Variants in POM121 observed in about 807,000 individuals in gnomAD.
The protein encoded by POM121 is POM121 transmembrane nucleoporin.
In POM121, 32 loss-of-function variants were observed where a neutral mutation model predicts 81.3. The ratio of observed to expected loss-of-function variants is 0.39; its 90% confidence interval spans 0.30 to 0.53. The LOEUF is 0.53. POM121 is among the 20% of genes least tolerant of loss of function. The pLI, the probability that POM121 is intolerant of heterozygous loss-of-function variation, is 0.66. For synonymous variants in POM121, 514 were observed against 694.2 expected, an observed-to-expected ratio of 0.74 and a Z score of 4.08; for missense variants, 1,138 against 1,614.6, an observed-to-expected ratio of 0.70 and a Z score of 5.06.
Position 72,926,460 on chromosome 7 carries a change from A to G in POM121, c.843A>G (p.Arg281=), listed in dbSNP as rs1554497521. 2 of 1,613,910 alleles carry G rather than the reference A, an allele frequency of 1.2e-6. No individual in the cohort carries two copies. The highest frequency in any genetic ancestry group is 2.2e-5 in the South Asian group (2 of 91,076). ...VTVRIAPPDR[R]FSRSAIPEQI... ...TGAGGATCGCCCCTCCTGACAGAAGATTTTCGCGTTCTGCGATGTGAGTAT... is the reference window on the plus strand; with the variant it reads ...TGAGGATCGCCCCTCCTGACAGAAGGTTTTCGCGTTCTGCGATGTGAGTAT... The change falls in exon 2 of 13, where the codon AGA becomes AGG. Residue 281 remains arginine, a synonymous_variant. Coordinates refer to ENST00000434423, the MANE Select transcript of POM121 (RefSeq NM_001387691.1).
intron 8 of POM121, 31 bp downstream of exon 8, chr7:72,939,999 CCCGGCTTAG>C (rs1563166877): frequency 6.3e-7 from 1 of 1,598,484 alleles, no homozygotes; most frequent in African/African-American, 1.3e-5. Context: ...TCCTGCCCTC[CCCGGCTTAG>C]CTCTCCTAAG....
At position 72,939,340 on chromosome 7, in the gene POM121, G is replaced by A; in HGVS notation, c.1372G>A (p.Glu458Lys). The A allele has an allele frequency of 2.5e-6, 4 of 1,613,882 alleles. No homozygotes were observed. The highest frequency in any genetic ancestry group is 3.4e-6 in the Non-Finnish European group (4 of 1,179,826). Residue 458 changes from glutamate to lysine, a missense_variant, in exon 7 of 13, where the codon GAG (glutamate) becomes AAG (lysine). By Grantham distance (56) the Glu-to-Lys change is moderately conservative. Transcript: ENST00000434423. ...TTGTTCCTTTTTTCCTGACAGAGAA[G>A]AGGAGCTGTGTCATCATTCCAGTTC... Reference protein sequence around the residue: ...PERPAKKIREEELCHHSSSST... With the variant: ...PERPAKKIREKELCHHSSSST...
chr7:72,925,852 C>G (rs1795389279), intron 1 of POM121, 87 bp downstream of exon 1: 2 of 1,230,070 alleles, frequency 1.6e-6, no homozygotes, highest in African/African-American at 3.2e-5. Context: ...TTTGCTTTTT[C>G]ATCAAGTCCC....
Position 72,948,218 on chromosome 7 carries a change from A to G in POM121, c.*1984A>G. On this transcript the variant is annotated 3_prime_UTR_variant, in exon 13 of 13. Coordinates refer to ENST00000434423, the MANE Select transcript of POM121 (RefSeq NM_001387691.1). Reference sequence around the variant, plus strand: ...ACAAATAGAGACTTCATTCCTGTTGAGTCTAGTTGGAATTTTTAGTATGAA... The same window carrying G: ...ACAAATAGAGACTTCATTCCTGTTGGGTCTAGTTGGAATTTTTAGTATGAA... 1.4e-6 allele frequency: 2 copies of G among 1,446,294 alleles called. No individual in the cohort carries two copies. Among genetic ancestry groups the G allele is most frequent in the South Asian group, 3.0e-5 (2 of 67,274 alleles). The allele number at this position is 1,446,294 out of a possible 1,614,324, so 89.6% of individuals were successfully genotyped here. A position where few individuals can be genotyped will look rare whatever the true frequency, so the allele number is the denominator to read the frequency against.
intron 3 of POM121, among the ~76,000 whole-genome samples, chr7:72,895,226 A>G (rs1791823093): frequency 6.6e-6 from 1 of 152,186 alleles, no homozygotes. Context: ...AACAGGGCAT[A>G]TCATGTGAGG....
rs528020405 is a variant in POM121, at chr7:72,912,620, G to A, written c.-215-1145G>A. ...TGAAACCCCGTATCTACTAAAACGC[G>A]CACACAAAATTAGCCAGGCATGGTG... On this transcript the variant is annotated intron_variant, in intron 3 of 15. Transcript: ENST00000395270. 9.9e-5 allele frequency among the ~76,000 whole-genome samples: 15 copies of A among 152,128 alleles called. 1 individual carries two copies. The South Asian group carries it at 2.5e-3, about 25-fold the overall frequency.
chr7:72,924,728 T>C (rs548672112), upstream of POM121: 5 of 185,332 alleles, frequency 2.7e-5, no homozygotes, highest in South Asian at 1.6e-4. Flanking sequence ...ATTTGTAACA[T>C]AGAAATGGAG....
downstream of POM121, chr7:72,948,903 C>A (rs77088979): frequency 6.2e-6 from 10 of 1,612,144 alleles, no homozygotes; most frequent in African/African-American, 1.3e-5. Context: ...TGAAGGCGCC[C>A]GGGTTCTGCT....
chr7:72,890,741 C>T (rs1323903073), exon 2 of POM121: 3 of 1,601,576 alleles, frequency 1.9e-6, no homozygotes, highest in African/African-American at 2.7e-5. Flanking sequence ...CTACAGCCAT[C>T]TAGTTTCCCT....
rs782716651 is a variant in POM121 at position 72,926,292 on chromosome 7, A to G, written c.675A>G (p.Val225=). ...GTGGGACTTTACCAAATCGGTTTGT[A>G]ATAACACCTAGAAGACGCTATCCGA... ...RDCGTLPNRF[V]ITPRRRYPIH... The change falls in exon 2 of 13, where the codon GTA becomes GTG. Residue 225 remains valine (V), a synonymous_variant. Transcript: ENST00000434423. 4.4e-6 allele frequency: 7 copies of G among 1,575,676 alleles called. No homozygotes were observed. In the African/African-American group the frequency reaches 9.5e-5, roughly 21 times the overall value.
At chr7:72,950,414 A>G (rs1244283621), downstream of POM121, 1 of 572,694 alleles carries the variant, frequency 1.7e-6, no homozygotes, top group Non-Finnish European at 3.1e-6. Flanking sequence ...AGCCTGGGCA[A>G]GTGATTCAAT....
chr7:72,926,718 T>C, intron 2 of POM121, 84 bp from the exon 3 acceptor site: 1 of 1,547,108 alleles, frequency 6.5e-7, no homozygotes, highest in Non-Finnish European at 8.7e-7. Flanking sequence ...GTTGGTTAGC[T>C]TCTGATTTCT....
chr7:72,927,679 G>A (rs1242824470), intron 3 of POM121, among the ~76,000 whole-genome samples: 1 of 151,656 alleles, frequency 6.6e-6, no homozygotes, highest in African/African-American at 2.4e-5. Flanking sequence ...CCATACTCCA[G>A]CCTGGGTGAC....
intron 4 of POM121, among the ~76,000 whole-genome samples, chr7:72,917,876 G>A (rs568642022): frequency 1.3e-5 from 2 of 152,330 alleles, no homozygotes; most frequent in East Asian, 3.9e-4. Flanking sequence ...AGCAAAAGGG[G>A]CAGGGTAAAG....
chr7:72,892,878 G>T (rs1449355559), intron 3 of POM121, among the ~76,000 whole-genome samples: 16 of 151,950 alleles, frequency 1.1e-4, no homozygotes, highest in African/African-American at 3.9e-4. Flanking sequence ...TATTGGTCAG[G>T]CTGGTCTCTA....
At chr7:72,929,866 T>G in intron 4 of POM121, 74 bp from the exon 5 acceptor site, 1 of 1,475,424 alleles carries the variant, frequency 6.8e-7, no homozygotes, top group Non-Finnish European at 9.0e-7. Context: ...TTAAGAAAGA[T>G]GTCATGACCG....
chr7:72,898,979 C>CT lies in POM121; in HGVS notation c.-216+7895dup, dbSNP rs1176371162. Among the ~76,000 whole-genome samples, 41 of 34,100 alleles carry CT rather than the reference C, an allele frequency of 1.2e-3. 7 individuals are homozygous for CT. The South Asian group carries it at 0.014, about 12-fold the overall frequency. 22.4% of individuals were successfully genotyped at this position (34,100 alleles called of 152,430 possible). A position where few individuals can be genotyped will look rare whatever the true frequency, so the allele number is the denominator to read the frequency against. On this transcript the variant is annotated intron_variant, in intron 3 of 15. Coordinates refer to the POM121 transcript ENST00000395270. ...TCTGTGTTTCTTTTTCTTTTCTTTTCTTTTTTTTTTTTTTTTTTTTTTTTT... is the reference window on the plus strand; with the variant it reads ...TCTGTGTTTCTTTTTCTTTTCTTTTCTTTTTTTTTTTTTTTTTTTTTTTTTT...
intron 5 of POM121, among the ~76,000 whole-genome samples, chr7:72,933,884 T>G (rs1464940312): frequency 4.6e-5 from 7 of 152,138 alleles, no homozygotes; most frequent in African/African-American, 7.2e-5. Flanking sequence ...TGAAAAAGAA[T>G]AAGGCAACTG....
chr7:72,943,505 G>A lies in POM121; in HGVS notation c.3512G>A (p.Ser1171Asn), dbSNP rs1379378709. 1 of 1,612,124 alleles carries A rather than the reference G, an allele frequency of 6.2e-7. No homozygotes were observed. The highest frequency in any genetic ancestry group is 8.5e-7 in the Non-Finnish European group (1 of 1,179,838). ...TTCAACGTGAGCAGCACAACTGAGA[G>A]CAAACCTGTGTTTGGAGGTAAGGAG... ...FAFNVSSTTE[S>N]KPVFGGTATP... The change falls in exon 11 of 13, where the codon AGC (serine) becomes AAC (asparagine). Residue 1171 changes from serine to asparagine, a missense_variant. Around this residue, in one of 7 missense-constraint regions of POM121, gnomAD observed 336 missense variants for 344.3 expected, o/e 0.98. Coordinates refer to ENST00000434423, the MANE Select transcript of POM121 (RefSeq NM_001387691.1).
Sources: gnomAD v4.1 joint callset for allele counts (sites outside exome capture counted in the v4.1 genomes callset) on GRCh38, gnomAD v4.1.1 for gene constraint, gnomAD v4.1.1 regional missense constraint, MANE v1.5 for transcripts, NCBI Gene and HGNC (gene_info 2026-07-23, HGNC 2026-07-21) for gene names.